RPS6KA3: variants seen among roughly 807,000 people sequenced by gnomAD.
RPS6KA3 encodes ribosomal protein S6 kinase A3.
In RPS6KA3, 4 loss-of-function variants were observed where a neutral mutation model predicts 67.2. That is an observed-to-expected ratio of 0.06 (90% CI 0.03 to 0.14). The LOEUF (loss-of-function observed/expected upper bound fraction) is 0.14. RPS6KA3 is among the 10% of genes least tolerant of loss of function. The pLI, the probability that RPS6KA3 is intolerant of heterozygous loss-of-function variation, is 1.00. For synonymous variants in RPS6KA3, 182 were observed against 183.7 expected (o/e 0.99, Z 0.07); for missense variants, 204 against 559.0 (o/e 0.36, Z 6.40).
chrX:20,249,885 T>C (rs1423001878), intron 1 of RPS6KA3, among the ~76,000 whole-genome samples: 4 of 112,477 alleles, frequency 3.6e-5, no homozygotes, highest in Non-Finnish European at 7.5e-5. Flanking sequence ...AAAAGTTTTC[T>C]AGTTTTACAT....
At position 20,175,419 on chromosome X, in the gene RPS6KA3, T is replaced by A. The variant is rs2067674267; in HGVS notation, c.1103-131A>T. The A allele has an allele frequency of 1.9e-5, 12 of 646,326 alleles. No individual in the cohort carries two copies. In the South Asian group the frequency reaches 2.5e-4, roughly 14 times the overall value. 53.3% of individuals were successfully genotyped at this position (646,326 alleles called of 1,213,427 possible). Reference sequence around the variant, plus strand: ...GGTACACAGTATATACCTCTTGCTTTCCAGGATACCTGTGAGGCACTGTAT... The same window carrying A: ...GGTACACAGTATATACCTCTTGCTTACCAGGATACCTGTGAGGCACTGTAT... On this transcript the variant is annotated intron_variant, in intron 13 of 21. Transcript: ENST00000379565.
intron 2 of RPS6KA3, among the ~76,000 whole-genome samples, chrX:20,213,518 T>TC (rs1280747720): frequency 2.0e-4 from 22 of 111,369 alleles, no homozygotes; most frequent in African/African-American, 6.2e-4. Flanking sequence ...ATAGTGCCCA[T>TC]ATATTCTTCC....
At chrX:20,200,671 C>T (rs750060027) in intron 4 of RPS6KA3, among the ~76,000 whole-genome samples, 19 of 110,585 alleles carry the variant, frequency 1.7e-4, no homozygotes, top group Middle Eastern at 4.6e-3. Flanking sequence ...AATTTTATAA[C>T]GTTTCTCTAT....
At chrX:20,236,357 G>A (rs1347505996) in intron 1 of RPS6KA3, among the ~76,000 whole-genome samples, 1 of 111,512 alleles carries the variant, frequency 9.0e-6, no homozygotes, top group African/African-American at 3.3e-5. Flanking sequence ...GAGTAGTCCC[G>A]ACTATTAATT....
At chrX:20,165,570 C>T (rs1448341062) in intron 17 of RPS6KA3, among the ~76,000 whole-genome samples, 1 of 111,076 alleles carries the variant, frequency 9.0e-6, no homozygotes, top group African/African-American at 3.3e-5. Context: ...ACATCTGATC[C>T]AATAGCTGAA....
chrX:20,230,587 C>T (rs1470554467), intron 2 of RPS6KA3, among the ~76,000 whole-genome samples: 1 of 111,116 alleles, frequency 9.0e-6, no homozygotes, highest in Non-Finnish European at 1.9e-5. Context: ...TAGAGGTGTG[C>T]GGCTAGAGAG....
At chrX:20,203,946 G>C in intron 4 of RPS6KA3, 76 bp downstream of exon 4, 1 of 714,756 alleles carries the variant, frequency 1.4e-6, no homozygotes, top group South Asian at 2.2e-5. Context: ...AACATGCCAA[G>C]GAGTCCCATG....
At chrX:20,218,491 C>T (rs938821834) in intron 2 of RPS6KA3, among the ~76,000 whole-genome samples, 2 of 111,056 alleles carry the variant, frequency 1.8e-5, no homozygotes, top group African/African-American at 6.5e-5. Flanking sequence ...TTGAGAGTTA[C>T]AGTCATTTGT....
At chrX:20,252,552 G>T (rs1037096344) in intron 1 of RPS6KA3, among the ~76,000 whole-genome samples, 1 of 110,512 alleles carries the variant, frequency 9.0e-6, no homozygotes, top group Non-Finnish European at 1.9e-5. Context: ...TGGGTGGGAC[G>T]GAAGTTCAGC....
intron 1 of RPS6KA3, among the ~76,000 whole-genome samples, chrX:20,261,239 G>C (rs1277185484): frequency 9.0e-6 from 1 of 111,455 alleles, no homozygotes; most frequent in Non-Finnish European, 1.9e-5. Flanking sequence ...ATGGATAGCA[G>C]AGTAGAGTAG....
intron 4 of RPS6KA3, among the ~76,000 whole-genome samples, chrX:20,200,226 G>A (rs750893985): frequency 8.9e-6 from 1 of 112,339 alleles, no homozygotes; most frequent in Non-Finnish European, 1.9e-5. Context: ...GTGGCAGCAT[G>A]AGAGAACTGA....
At chrX:20,225,128 C>G in intron 2 of RPS6KA3, among the ~76,000 whole-genome samples, 2 of 109,692 alleles carry the variant, frequency 1.8e-5, no homozygotes, top group Middle Eastern at 4.8e-3. Flanking sequence ...ATCACTGAAA[C>G]TGAAGGAATG....
At chrX:20,193,378 C>T in intron 7 of RPS6KA3, 109 bp downstream of exon 7, 1 of 487,367 alleles carries the variant, frequency 2.1e-6, no homozygotes, top group Non-Finnish European at 3.6e-6. Flanking sequence ...ATGTGAAGCA[C>T]AGGCACGCTA....
At chrX:20,218,663 A>G in intron 2 of RPS6KA3, 1 of 464,130 alleles carries the variant, frequency 2.2e-6, no homozygotes, top group Non-Finnish European at 3.7e-6. Context: ...TTATCCTTTA[A>G]AAGTTCTATC....
chrX:20,150,057 T>A lies in RPS6KA3; in HGVS notation c.*5341A>T, dbSNP rs1446714976. The A allele has an allele frequency of 8.8e-6, 1 of 113,373 alleles. No individual in the cohort carries two copies. The highest frequency in any genetic ancestry group is 1.9e-5 in the Non-Finnish European group (1 of 53,349). 9.3% of individuals were successfully genotyped at this position (113,373 alleles called of 1,213,427 possible). On this transcript the variant is annotated 3_prime_UTR_variant, in exon 22 of 22. Coordinates refer to ENST00000379565, the MANE Select transcript of RPS6KA3 (RefSeq NM_004586.3). ...TTAGATTACACATTAATAGTATGAT[T>A]TGAAAACTTCCCAGATTAGACTCTT...
intron 2 of RPS6KA3, among the ~76,000 whole-genome samples, chrX:20,227,505 C>A (rs1425171346): frequency 9.0e-6 from 1 of 111,215 alleles, no homozygotes; most frequent in Non-Finnish European, 1.9e-5. Flanking sequence ...TCTATCCAAT[C>A]TTTTATATAG....
At chrX:20,174,920 T>C (rs1370219677) in intron 14 of RPS6KA3, among the ~76,000 whole-genome samples, 1 of 110,072 alleles carries the variant, frequency 9.1e-6, no homozygotes, top group Non-Finnish European at 1.9e-5. Flanking sequence ...GCCCAACTCA[T>C]TTTTGTATTT....
At chrX:20,203,365 C>A (rs1160401404) in intron 4 of RPS6KA3, 1 of 108,325 alleles carries the variant, frequency 9.2e-6, no homozygotes, top group Non-Finnish European at 1.9e-5. Context: ...CGGGTTCAAG[C>A]GATTCTCTTG....
intron 4 of RPS6KA3, among the ~76,000 whole-genome samples, chrX:20,199,473 G>A (rs1433969580): frequency 8.9e-6 from 1 of 111,806 alleles, no homozygotes; most frequent in Non-Finnish European, 1.9e-5. Context: ...AGAAGAGTTG[G>A]AAGATGGTTG....
Sources: allele counts gnomAD v4.1 joint callset (sites outside exome capture counted in the v4.1 genomes callset), GRCh38; gene constraint gnomAD v4.1.1; transcripts MANE v1.5; gene names NCBI Gene and HGNC (gene_info 2026-07-23, HGNC 2026-07-21).